LRP1B: variants seen among roughly 807,000 people sequenced by gnomAD.
LRP1B encodes the protein low-density lipoprotein receptor-related protein 1B.
A neutral mutation model predicts 556.6 loss-of-function variants in LRP1B; 217 were observed. That is an observed-to-expected ratio of 0.39 (90% CI 0.35 to 0.44). The LOEUF is 0.44. Among genes scored for constraint, LRP1B ranks in the 20% least tolerant of loss-of-function variants. The probability of loss-of-function intolerance (pLI) is 1.00; values close to 1 mark genes in which losing one functional copy is unlikely to be tolerated. For missense variants in LRP1B, 5,053 were observed against 5,620.8 expected, an observed-to-expected ratio of 0.90 and a Z score of 3.23; for synonymous variants, 2,047 against 1,865.8, an observed-to-expected ratio of 1.10 and a Z score of -2.50.
chr2:141,629,692 C>G (rs1028128390), intron 2 of LRP1B, among the ~76,000 whole-genome samples: 3 of 152,092 alleles, frequency 2.0e-5, no homozygotes, highest in Non-Finnish European at 4.4e-5. Context: ...GTATTTCCAG[C>G]ATTTAACTCA....
chr2:141,835,283 TGA>T (rs1044100933), intron 1 of LRP1B, among the ~76,000 whole-genome samples: 1 of 151,970 alleles, frequency 6.6e-6, no homozygotes, highest in African/African-American at 2.4e-5. Context: ...AATACTTGTG[TGA>T]GAGTCAGCCA....
At chr2:142,060,083 G>A (rs1704848501) in intron 1 of LRP1B, among the ~76,000 whole-genome samples, 1 of 152,050 alleles carries the variant, frequency 6.6e-6, no homozygotes, top group African/African-American at 2.4e-5. Flanking sequence ...ATTTCAGGAT[G>A]CATTTAAAAG....
intron 7 of LRP1B, among the ~76,000 whole-genome samples, chr2:141,186,378 A>G (rs1466346752): frequency 6.6e-6 from 1 of 152,066 alleles, no homozygotes; most frequent in Non-Finnish European, 1.5e-5. Flanking sequence ...AAATTATTCT[A>G]GAGCAGGCCC....
At chr2:141,185,703 A>G (rs1402505933) in intron 7 of LRP1B, among the ~76,000 whole-genome samples, 1 of 151,324 alleles carries the variant, frequency 6.6e-6, no homozygotes, top group Non-Finnish European at 1.5e-5. Flanking sequence ...AAAACAAAAA[A>G]AAAAACAAGA....
At chr2:141,722,719 CAGATAGATACAT>C (rs1171701934) in intron 2 of LRP1B, among the ~76,000 whole-genome samples, 29 of 140,950 alleles carry the variant, frequency 2.1e-4, no homozygotes, top group African/African-American at 7.2e-4. Context: ...GATAGACAGG[CAGATAGATACAT>C]AGATAGATAG....
chr2:141,733,836 T>C lies in LRP1B; in HGVS notation c.205+76443A>G, dbSNP rs148173113. ...TGTGATAGTTCAGACTACTATCAAG[T>C]GTTTCTTGAATATACCACTATAAGA... On this transcript the variant is annotated intron_variant, in intron 2 of 90. Coordinates refer to ENST00000389484, the MANE Select transcript of LRP1B (RefSeq NM_018557.3). Among the ~76,000 whole-genome samples, 350 of 152,256 alleles carry C rather than the reference T, an allele frequency of 2.3e-3. 1 individual carries two copies. The highest frequency in any genetic ancestry group is 6.8e-3 in the Middle Eastern group (2 of 294).
chr2:141,377,388 T>G (rs1689474847), intron 3 of LRP1B, among the ~76,000 whole-genome samples: 1 of 152,148 alleles, frequency 6.6e-6, no homozygotes, highest in Non-Finnish European at 1.5e-5. Flanking sequence ...AACAAGTCCT[T>G]CATTTTTACT....
intron 43 of LRP1B, among the ~76,000 whole-genome samples, chr2:140,576,864 C>T (rs189717600): frequency 1.3e-5 from 2 of 152,308 alleles, no homozygotes; most frequent in Admixed American, 1.3e-4. Flanking sequence ...AAGTCTCTCT[C>T]CTTTCTTACA....
intron 2 of LRP1B, among the ~76,000 whole-genome samples, chr2:141,753,115 G>T (rs1483817131): frequency 6.8e-6 from 1 of 147,574 alleles, no homozygotes; most frequent in Non-Finnish European, 1.5e-5. Context: ...GGGCATGGTG[G>T]CATATGCCTG....
chr2:140,972,852 AG>A (rs1696473217), intron 18 of LRP1B, among the ~76,000 whole-genome samples: 1 of 151,234 alleles, frequency 6.6e-6, no homozygotes, highest in Non-Finnish European at 1.5e-5. Flanking sequence ...TTAGAACAAT[AG>A]TTTGTCAGTA....
At chr2:141,181,711 G>C (rs1213827318) in intron 7 of LRP1B, among the ~76,000 whole-genome samples, 1 of 151,884 alleles carries the variant, frequency 6.6e-6, no homozygotes, top group African/African-American at 2.4e-5. Context: ...ACCACTCCAA[G>C]TTTCCCTGTT....
At chr2:140,601,721 A>G in intron 41 of LRP1B, 82 bp from the exon 42 acceptor site, 1 of 828,968 alleles carries the variant, frequency 1.2e-6, no homozygotes, top group Non-Finnish European at 1.8e-6. Flanking sequence ...TTTAAGACAT[A>G]CATGTATACC....
intron 2 of LRP1B, among the ~76,000 whole-genome samples, chr2:141,798,369 C>A (rs1158136772): frequency 2.0e-5 from 3 of 152,032 alleles, no homozygotes; most frequent in African/African-American, 4.8e-5. Context: ...AAACAAGTAA[C>A]AAGTAATCTT....
rs1430141185 is a variant in LRP1B, at chr2:141,865,626, AAGAC to A, written c.83-55229_83-55226del. 3.9e-5 allele frequency among the ~76,000 whole-genome samples: 6 copies of A among 151,920 alleles called. 1 individual carries two copies. Among genetic ancestry groups the A allele is most frequent in the Admixed American group, 3.9e-4 (6 of 15,270 alleles). ...AAAAAAAGAAAAAAAAAAAGAAAAAAAGACAGAAATTTTGATCCAAACAAGAGGG... is the reference window on the plus strand; with the variant it reads ...AAAAAAAGAAAAAAAAAAAGAAAAAAAGAAATTTTGATCCAAACAAGAGGG... On this transcript the variant is annotated intron_variant, in intron 1 of 90. Transcript: ENST00000389484.
At chr2:141,714,997 T>C (rs1244561375) in intron 2 of LRP1B, among the ~76,000 whole-genome samples, 1 of 152,168 alleles carries the variant, frequency 6.6e-6, no homozygotes, top group Admixed American at 6.5e-5. Context: ...TTTTGCTTTA[T>C]ACTAATTTTT....
At chr2:140,742,303 C>T (rs527351016) in intron 35 of LRP1B, among the ~76,000 whole-genome samples, 1 of 152,244 alleles carries the variant, frequency 6.6e-6, no homozygotes, top group East Asian at 1.9e-4. Flanking sequence ...TGGCTCCTCT[C>T]TTTTAAGAAA....
At chr2:141,831,659 C>T (rs957662079) in intron 1 of LRP1B, among the ~76,000 whole-genome samples, 2 of 151,392 alleles carry the variant, frequency 1.3e-5, no homozygotes, top group Non-Finnish European at 3.0e-5. Flanking sequence ...TTTATGGCTC[C>T]AGTAAATTAT....
At chr2:140,833,363 T>A (rs572162614) in intron 31 of LRP1B, among the ~76,000 whole-genome samples, 25 of 152,322 alleles carry the variant, frequency 1.6e-4, no homozygotes, top group African/African-American at 6.0e-4. Flanking sequence ...CCATTGTCAC[T>A]TGGCAAACAT....
At chr2:141,533,537 A>G (rs1684964451) in intron 2 of LRP1B, among the ~76,000 whole-genome samples, 2 of 152,160 alleles carry the variant, frequency 1.3e-5, no homozygotes, top group Admixed American at 1.3e-4. Context: ...AGTTTCCTAA[A>G]CTGAATCAAC....
Sources: gnomAD v4.1 joint callset for allele counts (sites outside exome capture counted in the v4.1 genomes callset) on GRCh38, gnomAD v4.1.1 for gene constraint, MANE v1.5 for transcripts, NCBI Gene and HGNC (gene_info 2026-07-23, HGNC 2026-07-21) for gene names.